PIK3R3: variants seen among roughly 807,000 people sequenced by gnomAD.
PIK3R3 encodes phosphoinositide-3-kinase regulatory subunit 3, also known as phosphatidylinositol 3-kinase regulatory subunit gamma.
PIK3R3 carries 64 observed loss-of-function variants against 62.9 expected under a neutral mutation model. The observed-to-expected ratio is 1.02, with a 90% confidence interval of 0.83 to 1.25. The LOEUF (loss-of-function observed/expected upper bound fraction) is 1.25. Among genes scored for constraint, PIK3R3 ranks in the 50% most tolerant of loss-of-function variants. The probability of loss-of-function intolerance (pLI) is 0.00; values close to 1 mark genes in which losing one functional copy is unlikely to be tolerated. For synonymous variants in PIK3R3, 165 were observed against 189.0 expected (o/e 0.87, Z 1.04); for missense variants, 614 against 561.6 (o/e 1.09, Z -0.94).
intron 1 of PIK3R3, among the ~76,000 whole-genome samples, chr1:46,118,240 G>A (rs1428218212): frequency 6.6e-6 from 1 of 152,174 alleles, no homozygotes; most frequent in Non-Finnish European, 1.5e-5. Context: ...GTTTGGAAAT[G>A]ACAAGCTATA....
intron 2 of PIK3R3, among the ~76,000 whole-genome samples, chr1:46,079,933 AAC>A (rs1650422584): frequency 6.6e-6 from 1 of 151,426 alleles, no homozygotes; most frequent in Non-Finnish European, 1.5e-5. Flanking sequence ...CAGCCTGGGC[AAC>A]AGAGTGAGAC....
intron 7 of PIK3R3, among the ~76,000 whole-genome samples, chr1:46,049,069 TG>T: frequency 6.6e-6 from 1 of 152,234 alleles, no homozygotes; most frequent in South Asian, 2.1e-4. Flanking sequence ...GTAATTGGGT[TG>T]TAAAACCAAT....
the PIK3R3 span, among the ~76,000 whole-genome samples, chr1:46,151,103 G>T: frequency 2.0e-5 from 3 of 152,058 alleles, no homozygotes; most frequent in Admixed American, 1.3e-4. Context: ...GAGCAACTGT[G>T]CTCGGCTGCT....
At chr1:46,074,061 G>A (rs570582977) in intron 3 of PIK3R3, among the ~76,000 whole-genome samples, 4 of 148,812 alleles carry the variant, frequency 2.7e-5, no homozygotes, top group South Asian at 2.1e-4. Flanking sequence ...AGGCCGAGGC[G>A]GGCGGATCAC....
intron 3 of PIK3R3, among the ~76,000 whole-genome samples, chr1:46,070,243 G>A (rs1047979758): frequency 3.9e-5 from 6 of 152,210 alleles, no homozygotes; most frequent in Non-Finnish European, 8.8e-5. Context: ...ATGTCCTTGA[G>A]TAGATTAGAG....
chr1:46,150,612 CA>C, the PIK3R3 span, among the ~76,000 whole-genome samples: 1 of 152,182 alleles, frequency 6.6e-6, no homozygotes, highest in Non-Finnish European at 1.5e-5. Context: ...CCTTCCATGA[CA>C]ACTTCTCTTT....
chr1:46,096,986 C>CAA (rs889318751), intron 1 of PIK3R3, among the ~76,000 whole-genome samples: 5 of 132,798 alleles, frequency 3.8e-5, no homozygotes, highest in Admixed American at 7.5e-5. Context: ...AGAAAACAAA[C>CAA]AAAAAAAAAA....
chr1:46,092,722 C>A (rs1188629822), intron 1 of PIK3R3, among the ~76,000 whole-genome samples: 1 of 152,102 alleles, frequency 6.6e-6, no homozygotes, highest in Non-Finnish European at 1.5e-5. Flanking sequence ...TCAATGAGAC[C>A]TCCAATTTAC....
upstream of PIK3R3, among the ~76,000 whole-genome samples, chr1:46,133,300 G>A (rs1427832949): frequency 6.6e-6 from 1 of 152,252 alleles, no homozygotes; most frequent in African/African-American, 2.4e-5. Flanking sequence ...ACTGCCTGGA[G>A]ACAGGCGGGG....
At chr1:46,120,367 A>G (rs1654557729) in intron 1 of PIK3R3, among the ~76,000 whole-genome samples, 1 of 152,122 alleles carries the variant, frequency 6.6e-6, no homozygotes. Flanking sequence ...CACAAGGTCA[A>G]GAGATCGAGA....
chr1:46,110,332 G>C (rs1458485851), intron 1 of PIK3R3, among the ~76,000 whole-genome samples: 1 of 148,526 alleles, frequency 6.7e-6, no homozygotes, highest in Non-Finnish European at 1.5e-5. Flanking sequence ...ATGTTGGCCA[G>C]GCTGGTCTCG....
chr1:46,100,730 A>T (rs1419691531), intron 1 of PIK3R3, among the ~76,000 whole-genome samples: 1 of 152,210 alleles, frequency 6.6e-6, no homozygotes, highest in Non-Finnish European at 1.5e-5. Flanking sequence ...TCTTCCTATC[A>T]GTTAATATGG....
rs191622021 is a variant in PIK3R3 at position 46,071,557 on chromosome 1, G to A, written c.315-4466C>T. Among the ~76,000 whole-genome samples the A allele has an allele frequency of 2.3e-3, 351 of 150,890 alleles. 2 individuals carry two copies. The highest frequency in any genetic ancestry group is 7.8e-3 in the African/African-American group (319 of 41,018). On this transcript the variant is annotated intron_variant, in intron 3 of 9. Transcript: ENST00000262741. ...CCAAAAATACAAAAATTAGCTGGGC[G>A]TGGTGGCACACGACTGTAATCCCAG...
At chr1:46,049,704 G>C (rs777077063) in intron 7 of PIK3R3, among the ~76,000 whole-genome samples, 7 of 152,188 alleles carry the variant, frequency 4.6e-5, no homozygotes, top group Non-Finnish European at 1.0e-4. Flanking sequence ...ACTACTTCAG[G>C]ATGACATTCT....
chr1:46,118,554 C>CTTT (rs1291550266), intron 1 of PIK3R3, among the ~76,000 whole-genome samples: 3 of 132,206 alleles, frequency 2.3e-5, no homozygotes, highest in South Asian at 2.4e-4. Context: ...CATTACTTGT[C>CTTT]TTTTTTTTTT....
chr1:46,142,104 T>C, the PIK3R3 span, among the ~76,000 whole-genome samples: 51 of 152,336 alleles, frequency 3.3e-4, no homozygotes, highest in East Asian at 5.4e-3. Flanking sequence ...CCTGTAAACC[T>C]GTACCCATTC....
At position 46,055,986 on chromosome 1, in the gene PIK3R3, G is replaced by C. The variant is rs1647864808; in HGVS notation, c.765-15C>G. The C allele has an allele frequency of 1.9e-6, 3 of 1,544,628 alleles. No individual in the cohort carries two copies. Among genetic ancestry groups the C allele is most frequent in the Non-Finnish European group, 2.6e-6 (3 of 1,135,966 alleles). ...TCATCATAATTCTGTAAAAATATTTGACATGTTAAGGCTAAAATAGAAATC... is the reference window on the plus strand; with the variant it reads ...TCATCATAATTCTGTAAAAATATTTCACATGTTAAGGCTAAAATAGAAATC... On this transcript the variant is annotated splice_polypyrimidine_tract_variant and intron_variant, in intron 6 of 9. Transcript: ENST00000262741.
chr1:46,116,103 A>G (rs1211903210), intron 1 of PIK3R3, among the ~76,000 whole-genome samples: 1 of 152,172 alleles, frequency 6.6e-6, no homozygotes, highest in African/African-American at 2.4e-5. Context: ...CATTTTTGAG[A>G]GGATGGAATA....
intron 1 of PIK3R3, among the ~76,000 whole-genome samples, chr1:46,109,536 TAC>T (rs1653541115): frequency 6.6e-6 from 1 of 152,100 alleles, no homozygotes; most frequent in Non-Finnish European, 1.5e-5. Flanking sequence ...CAGGCTGAAG[TAC>T]AGTGACGCAA....
Sources: allele counts gnomAD v4.1 joint callset (sites outside exome capture counted in the v4.1 genomes callset), GRCh38; gene constraint gnomAD v4.1.1; transcripts MANE v1.5; gene names NCBI Gene and HGNC (gene_info 2026-07-23, HGNC 2026-07-21).